The following CHP1 variants were observed in gnomAD, a reference collection of about 807,000 sequenced individuals.
The protein encoded by CHP1 is calcineurin like EF-hand protein 1, also known as calcineurin B homologous protein 1.
CHP1 carries 11 observed loss-of-function variants against 27.4 expected under a neutral mutation model. The observed-to-expected ratio is 0.40, with a 90% CI of 0.25 to 0.67. CHP1 has a LOEUF of 0.67. CHP1 is among the 30% of genes least tolerant of loss of function. CHP1 has a pLI of 0.38. For synonymous variants in CHP1, 89 were observed against 87.4 expected (o/e 1.02, Z -0.10); for missense variants, 169 against 251.3 (o/e 0.67, Z 2.22).
At chr15:41,236,513 C>T (rs2047277803) in intron 1 of CHP1, among the ~76,000 whole-genome samples, 1 of 151,982 alleles carries the variant, frequency 6.6e-6, no homozygotes, top group African/African-American at 2.4e-5. Flanking sequence ...CCGCTCATCC[C>T]AGTCCCCCAA....
At chr15:41,268,509 G>A (rs1390911401) in intron 4 of CHP1, among the ~76,000 whole-genome samples, 3 of 151,872 alleles carry the variant, frequency 2.0e-5, no homozygotes, top group Non-Finnish European at 4.4e-5. Context: ...GCTGGGCGTG[G>A]TGGCACATGC....
At chr15:41,240,034 C>T (rs1478622689) in intron 1 of CHP1, among the ~76,000 whole-genome samples, 1 of 152,034 alleles carries the variant, frequency 6.6e-6, no homozygotes, top group African/African-American at 2.4e-5. Flanking sequence ...CCTCGGCCTC[C>T]CAAAGTGCTG....
chr15:41,236,711 G>A (rs1239261906), intron 1 of CHP1, among the ~76,000 whole-genome samples: 17 of 152,078 alleles, frequency 1.1e-4, no homozygotes, highest in Admixed American at 1.0e-3. Flanking sequence ...AAAGTTGCAG[G>A]TATTGGAACT....
intron 1 of CHP1, among the ~76,000 whole-genome samples, chr15:41,240,374 C>G (rs1049588486): frequency 6.6e-6 from 1 of 151,924 alleles, no homozygotes; most frequent in African/African-American, 2.4e-5. Flanking sequence ...AAGAAGGACT[C>G]CAAAGCAATA....
chr15:41,239,427 G>A (rs563377231), intron 1 of CHP1, among the ~76,000 whole-genome samples: 7 of 151,336 alleles, frequency 4.6e-5, no homozygotes, highest in East Asian at 1.9e-4. Context: ...GTTTTGAGGC[G>A]GAGTCTCACT....
intron 2 of CHP1, among the ~76,000 whole-genome samples, chr15:41,249,165 A>G (rs185098372): frequency 7.8e-4 from 119 of 152,286 alleles, no homozygotes; most frequent in Admixed American, 6.7e-3. Context: ...TACCTGGAAC[A>G]GCTTCCACCT....
At chr15:41,273,687 T>A (rs775323828) in intron 5 of CHP1, among the ~76,000 whole-genome samples, 56 of 141,090 alleles carry the variant, frequency 4.0e-4, no homozygotes, top group Non-Finnish European at 7.0e-4. Context: ...ATTCATGATT[T>A]AAAAAAAAAA....
chr15:41,237,884 A>G (rs2047285554), intron 1 of CHP1, among the ~76,000 whole-genome samples: 1 of 151,918 alleles, frequency 6.6e-6, no homozygotes, highest in Admixed American at 6.6e-5. Flanking sequence ...TAATTTTTGT[A>G]TTTTTAGTAG....
intron 5 of CHP1, among the ~76,000 whole-genome samples, chr15:41,273,245 A>G (rs2047500536): frequency 6.6e-6 from 1 of 152,164 alleles, no homozygotes; most frequent in African/African-American, 2.4e-5. Flanking sequence ...TAGAAATTCA[A>G]AGTTGGTTTA....
At chr15:41,251,654 G>C (rs968612824) in intron 2 of CHP1, among the ~76,000 whole-genome samples, 1 of 152,154 alleles carries the variant, frequency 6.6e-6, no homozygotes, top group Non-Finnish European at 1.5e-5. Flanking sequence ...GAGGGATCTA[G>C]ACTGAGTGCT....
intron 2 of CHP1, among the ~76,000 whole-genome samples, chr15:41,251,893 C>T (rs1175165437): frequency 2.0e-5 from 3 of 151,066 alleles, no homozygotes; most frequent in Non-Finnish European, 4.4e-5. Flanking sequence ...CAGGCACATG[C>T]CACTATGCCT....
At chr15:41,266,172 A>G (rs1243186063) in intron 4 of CHP1, among the ~76,000 whole-genome samples, 1 of 151,960 alleles carries the variant, frequency 6.6e-6, no homozygotes, top group African/African-American at 2.4e-5. Flanking sequence ...AATTCCAGCT[A>G]CTCAGGAGAC....
At chr15:41,231,484 C>G in intron 1 of CHP1, 35 bp downstream of exon 1, 1 of 1,575,858 alleles carries the variant, frequency 6.3e-7, no homozygotes, top group East Asian at 2.3e-5. Flanking sequence ...CGCCGGGCGC[C>G]TCAGGCTGGC....
chr15:41,244,856 C>T (rs960445717), intron 2 of CHP1, among the ~76,000 whole-genome samples: 4 of 152,178 alleles, frequency 2.6e-5, no homozygotes, highest in Admixed American at 2.6e-4. Context: ...TGCTGTGGTT[C>T]TTCATCTTTG....
At chr15:41,255,067 C>T (rs771323091) in intron 2 of CHP1, among the ~76,000 whole-genome samples, 9 of 152,188 alleles carry the variant, frequency 5.9e-5, no homozygotes, top group African/African-American at 1.7e-4. Flanking sequence ...AGGACATTCT[C>T]AGATCAAAAT....
At chr15:41,267,058 T>C in intron 4 of CHP1, among the ~76,000 whole-genome samples, 1 of 152,046 alleles carries the variant, frequency 6.6e-6, no homozygotes, top group East Asian at 1.9e-4. Flanking sequence ...GAAGACATTA[T>C]GCTGAGTGAA....
chr15:41,280,528 TTTTTG>T lies in CHP1; in HGVS notation c.*1140_*1144del, dbSNP rs2047540334. 6.8e-6 allele frequency: 1 copy of T among 146,620 alleles called. No homozygotes were observed. Among genetic ancestry groups the T allele is most frequent in the African/African-American group, 2.6e-5 (1 of 38,904 alleles). 9.1% of individuals were successfully genotyped at this position (146,620 alleles called of 1,614,324 possible). A position where few individuals can be genotyped will look rare whatever the true frequency, so the allele number is the denominator to read the frequency against. ...AAATTTTTTTTTTTTTTTTTTTTTTTTTTTGAGACAGAGTCTTGCTCTGTCACCCA... is the reference window on the plus strand; with the variant it reads ...AAATTTTTTTTTTTTTTTTTTTTTTTAGACAGAGTCTTGCTCTGTCACCCA... On this transcript the variant is annotated 3_prime_UTR_variant, in exon 7 of 7. Coordinates refer to ENST00000334660, the MANE Select transcript of CHP1 (RefSeq NM_007236.5).
Position 41,281,513 on chromosome 15 carries a change from TG to T in CHP1, c.*2125del, listed in dbSNP as rs543029390. The T allele has an allele frequency of 1.9e-3, 286 of 152,826 alleles. 3 individuals carry two copies. The highest frequency in any genetic ancestry group is 1.1e-3 in the Non-Finnish European group (73 of 68,050). The allele number at this position is 152,826 out of a possible 1,614,324, so 9.5% of individuals were successfully genotyped here. ...CTTTCTGACTCATTGCTTGCTTGCT[TG>T]TTTCCTTGCTTTGGAAAACTATTGA... is the stretch of plus-strand genomic sequence containing the variant. On this transcript the variant is annotated 3_prime_UTR_variant, in exon 7 of 7. Transcript: ENST00000334660.
intron 1 of CHP1, 117 bp from the exon 2 acceptor site, chr15:41,243,550 G>C (rs552619574): frequency 7.4e-6 from 5 of 679,032 alleles, no homozygotes; most frequent in South Asian, 1.9e-5. Context: ...ACATTCTAGA[G>C]ATAAGAGTTT....
Sources: allele counts gnomAD v4.1 joint callset (sites outside exome capture counted in the v4.1 genomes callset), GRCh38; gene constraint gnomAD v4.1.1; transcripts MANE v1.5; gene names NCBI Gene and HGNC (gene_info 2026-07-23, HGNC 2026-07-21).